The following MARK3 variants were observed in gnomAD, a reference collection of about 807,000 sequenced individuals.
The protein encoded by MARK3 is microtubule affinity regulating kinase 3, also known as MAP/microtubule affinity-regulating kinase 3.
In MARK3, 46 loss-of-function variants were observed where a neutral mutation model predicts 90.1. The ratio of observed to expected loss-of-function variants is 0.51; its 90% CI spans 0.40 to 0.65. The LOEUF is 0.65. Among genes scored for constraint, MARK3 ranks in the 30% least tolerant of loss-of-function variants. The pLI is 0.00. For synonymous variants in MARK3, 321 were observed against 332.6 expected (o/e 0.97, Z 0.38); for missense variants, 818 against 947.2 (o/e 0.86, Z 1.79).
chr14:103,400,291 A>C (rs1337215367), intron 1 of MARK3, among the ~76,000 whole-genome samples: 5 of 152,146 alleles, frequency 3.3e-5, no homozygotes, highest in Non-Finnish European at 7.4e-5. Flanking sequence ...GCCACCTAGT[A>C]GACTTTAACT....
intron 1 of MARK3, among the ~76,000 whole-genome samples, chr14:103,402,161 G>A (rs1296022182): frequency 6.6e-6 from 1 of 152,204 alleles, no homozygotes; most frequent in Non-Finnish European, 1.5e-5. Flanking sequence ...TCCTTGTGAA[G>A]GTTACATGCT....
intron 13 of MARK3, among the ~76,000 whole-genome samples, chr14:103,479,018 T>A (rs1274705114): frequency 6.6e-6 from 1 of 152,186 alleles, no homozygotes; most frequent in African/African-American, 2.4e-5. Flanking sequence ...ATGTTTTAAT[T>A]TCTTTCCTTC....
intron 6 of MARK3, 68 bp from the exon 7 acceptor site, chr14:103,462,337 C>CA (rs779981948): frequency 3.4e-6 from 4 of 1,174,388 alleles, no homozygotes; most frequent in Admixed American, 3.5e-5. Context: ...TGAACATTAA[C>CA]AAAGTTATTT....
At chr14:103,446,710 CTTTTTTTTTTTT>C (rs746523547) in intron 3 of MARK3, among the ~76,000 whole-genome samples, 53 of 98,024 alleles carry the variant, frequency 5.4e-4, no homozygotes, top group Admixed American at 6.8e-4. Flanking sequence ...AGATTGTTGT[CTTTTTTTTTTTT>C]TTTTTTTTTT....
At chr14:103,410,317 G>C (rs542937204) in intron 2 of MARK3, among the ~76,000 whole-genome samples, 1 of 152,318 alleles carries the variant, frequency 6.6e-6, no homozygotes, top group South Asian at 2.1e-4. Context: ...GAAGAAAAGA[G>C]GGCAGAGCCC....
chr14:103,431,689 G>A (rs2092586947), intron 3 of MARK3, among the ~76,000 whole-genome samples: 1 of 152,190 alleles, frequency 6.6e-6, no homozygotes, highest in South Asian at 2.1e-4. Flanking sequence ...CAGGGATGGA[G>A]ACACACTCCT....
At chr14:103,460,125 G>A (rs568294121) in intron 6 of MARK3, among the ~76,000 whole-genome samples, 41 of 92,924 alleles carry the variant, frequency 4.4e-4, no homozygotes, top group Admixed American at 1.0e-3. Context: ...TCGCTTTGTC[G>A]CCCAGGCTGG....
chr14:103,481,583 G>T lies in MARK3; in HGVS notation c.1586+1093G>T, dbSNP rs565682381. Among the ~76,000 whole-genome samples the T allele has an allele frequency of 7.9e-4, 120 of 151,558 alleles. 1 individual carries two copies. The highest frequency in any genetic ancestry group is 2.8e-3 in the African/African-American group (117 of 41,294). ...GTAACATTTGTTCTGTAAGATTATG[G>T]TTATTATTCGTTGAATTTTTAGCAA... On this transcript the variant is annotated intron_variant, in intron 14 of 17. Transcript: ENST00000429436.
chr14:103,427,497 C>CAAAAAAAAAAAAA (rs71126021), intron 2 of MARK3, among the ~76,000 whole-genome samples: 8 of 110,812 alleles, frequency 7.2e-5, no homozygotes, highest in Admixed American at 1.1e-4. Flanking sequence ...GAGACTGTTT[C>CAAAAAAAAAAAAA]AAAAAAAAAA....
At chr14:103,481,017 A>G (rs907080364) in intron 14 of MARK3, among the ~76,000 whole-genome samples, 1 of 152,252 alleles carries the variant, frequency 6.6e-6, no homozygotes, top group African/African-American at 2.4e-5. Flanking sequence ...TAATTTGGCT[A>G]CATAGCAAGC....
At chr14:103,413,264 T>C (rs143045486) in intron 2 of MARK3, among the ~76,000 whole-genome samples, 252 of 152,314 alleles carry the variant, frequency 1.7e-3, no homozygotes, top group Admixed American at 3.9e-3. Flanking sequence ...TATATAATGC[T>C]TGTTAAATTC....
At chr14:103,438,338 G>A (rs1247234072) in intron 3 of MARK3, among the ~76,000 whole-genome samples, 1 of 152,178 alleles carries the variant, frequency 6.6e-6, no homozygotes, top group African/African-American at 2.4e-5. Flanking sequence ...TTATAGGTAA[G>A]TAGGTTAAAG....
intron 1 of MARK3, 71 bp downstream of exon 1, chr14:103,386,151 A>G: frequency 4.2e-6 from 6 of 1,414,968 alleles, no homozygotes; most frequent in Non-Finnish European, 6.0e-6. Context: ...AGTGCCTTGC[A>G]GTCGGGTGTT....
Position 103,394,088 on chromosome 14 carries a change from G to A in MARK3, c.51+8008G>A, listed in dbSNP as rs548717511. ...ATTTTATGCCTGGAATTTTTTCCTGGGCTGGAACAAATTCCTAGTAAGAGT... is the reference window on the plus strand; with the variant it reads ...ATTTTATGCCTGGAATTTTTTCCTGAGCTGGAACAAATTCCTAGTAAGAGT... On this transcript the variant is annotated intron_variant, in intron 1 of 17. Transcript: ENST00000429436. Among the ~76,000 whole-genome samples, 22 of 152,086 alleles carry A rather than the reference G, an allele frequency of 1.4e-4. No homozygotes were observed. The South Asian group carries it at 3.9e-3, about 27-fold the overall frequency.
intron 3 of MARK3, among the ~76,000 whole-genome samples, chr14:103,434,269 G>A (rs991321347): frequency 1.3e-5 from 2 of 152,150 alleles, no homozygotes; most frequent in Admixed American, 6.5e-5. Flanking sequence ...TAACCAAGTT[G>A]TCCGCTCTAC....
intron 6 of MARK3, among the ~76,000 whole-genome samples, chr14:103,460,579 A>C (rs1285539800): frequency 6.6e-6 from 1 of 152,224 alleles, no homozygotes; most frequent in Non-Finnish European, 1.5e-5. Flanking sequence ...TTTTCAGCTT[A>C]TTGTGGCATC....
intron 3 of MARK3, among the ~76,000 whole-genome samples, chr14:103,436,531 C>G (rs2092721546): frequency 6.6e-6 from 1 of 151,696 alleles, no homozygotes; most frequent in African/African-American, 2.4e-5. Context: ...ATTTAAAATC[C>G]AGTGTCTGCA....
intron 1 of MARK3, among the ~76,000 whole-genome samples, chr14:103,395,690 A>T (rs572589706): frequency 6.6e-6 from 1 of 152,218 alleles, no homozygotes; most frequent in African/African-American, 2.4e-5. Flanking sequence ...CATATCTGCA[A>T]ACATCTTTAT....
At chr14:103,452,491 A>G (rs1306381795) in intron 5 of MARK3, among the ~76,000 whole-genome samples, 3 of 27,522 alleles carry the variant, frequency 1.1e-4, no homozygotes, top group Non-Finnish European at 3.5e-4. Context: ...TTTTTTTTTG[A>G]GACGGAGTCT....
Sources: allele counts gnomAD v4.1 joint callset (sites outside exome capture counted in the v4.1 genomes callset), GRCh38; gene constraint gnomAD v4.1.1; transcripts MANE v1.5; gene names NCBI Gene and HGNC (gene_info 2026-07-23, HGNC 2026-07-21).